The following ATF2 variants were observed in gnomAD, a reference collection of about 807,000 sequenced individuals.
The protein encoded by ATF2 is activating transcription factor 2.
ATF2 carries 24 observed loss-of-function variants against 60.6 expected under a neutral mutation model. The ratio of observed to expected loss-of-function variants is 0.40; its 90% CI spans 0.29 to 0.56. The LOEUF (loss-of-function observed/expected upper bound fraction) is 0.56, where lower values mean the gene tolerates loss of function less well. Among genes scored for constraint, ATF2 ranks in the 20% least tolerant of loss-of-function variants. The pLI, the probability that ATF2 is intolerant of heterozygous loss-of-function variation, is 0.54. For missense variants in ATF2, 433 were observed against 607.7 expected (o/e 0.71, Z 3.02); for synonymous variants, 206 against 215.4 (o/e 0.96, Z 0.38).
intron 3 of ATF2, among the ~76,000 whole-genome samples, chr2:175,132,234 T>C (rs1697785321): frequency 6.6e-6 from 1 of 152,218 alleles, no homozygotes. Flanking sequence ...CATATCTCAT[T>C]TTATTGTGCT....
chr2:175,105,529 T>A (rs1217081754), intron 10 of ATF2, among the ~76,000 whole-genome samples: 2 of 152,182 alleles, frequency 1.3e-5, no homozygotes, highest in Non-Finnish European at 2.9e-5. Context: ...CAAGAAATGT[T>A]TGCCATGTAA....
chr2:175,093,416 T>C lies in ATF2; in HGVS notation c.979-149A>G, dbSNP rs959413558. 9.1e-6 allele frequency: 7 copies of C among 770,302 alleles called. No homozygotes were observed. In the Admixed American group the frequency reaches 1.7e-4, roughly 19 times the overall value. The allele number at this position is 770,302 out of a possible 1,614,324, so 47.7% of individuals were successfully genotyped here. A position where few individuals can be genotyped will look rare whatever the true frequency, so the allele number is the denominator to read the frequency against. On this transcript the variant is annotated intron_variant, in intron 11 of 13. Coordinates refer to ENST00000264110, the MANE Select transcript of ATF2 (RefSeq NM_001880.4). ...TGTTGGGGCAATATGAAAATCACCC[T>C]GTGGTTTAACTTCCTTCTTGAATAT... is the stretch of plus-strand genomic sequence containing the variant.
chr2:175,082,269 A>G (rs1275706612), intron 12 of ATF2, among the ~76,000 whole-genome samples: 1 of 152,240 alleles, frequency 6.6e-6, no homozygotes, highest in African/African-American at 2.4e-5. Context: ...CGTTAATTAA[A>G]AGATTAAATG....
intron 1 of ATF2, among the ~76,000 whole-genome samples, chr2:175,164,786 G>C (rs1700244010): frequency 6.6e-6 from 1 of 152,190 alleles, no homozygotes; most frequent in Non-Finnish European, 1.5e-5. Context: ...TTGAGGAACA[G>C]GTGTGAGTAT....
At position 175,111,590 on chromosome 2, in the gene ATF2, G is replaced by A. The variant is rs780832335; in HGVS notation, c.806C>T (p.Pro269Leu). ...TACCATTTTTGCTTCTGACTGTACT[G>A]GTTGGGGAGAGGAAGGACCTGGGAT... ...PGIPGPSSPQ[P>L]VQSEAKMRLK... is the part of the protein sequence containing the mutation. Residue 269 changes from proline (P) to leucine (L), a missense_variant, in exon 10 of 14, where the codon CCA becomes CTA. Pro to Leu is a moderately conservative substitution (Grantham distance 98, BLOSUM62 -3). Transcript: ENST00000264110. 15 of 1,613,734 alleles carry A rather than the reference G, an allele frequency of 9.3e-6. No homozygotes were observed. The South Asian group carries it at 1.6e-4, about 18-fold the overall frequency.
rs377017833 is a variant in ATF2, at chr2:175,124,019, A to G, written c.103-2479T>C. Among the ~76,000 whole-genome samples, 6 of 152,182 alleles carry G rather than the reference A, an allele frequency of 3.9e-5. No individual in the cohort carries two copies. In the East Asian group the frequency reaches 1.2e-3, roughly 29 times the overall value. On this transcript the variant is annotated intron_variant, in intron 4 of 13. Coordinates refer to ENST00000264110, the MANE Select transcript of ATF2 (RefSeq NM_001880.4). ...TATGAAAGAAATGCATTCTTTATTT[A>G]TTTATAAAATAGCTGCAAGCTAAAT... is the stretch of plus-strand genomic sequence containing the variant.
At chr2:175,154,636 C>G (rs1699549481) in intron 1 of ATF2, among the ~76,000 whole-genome samples, 1 of 152,108 alleles carries the variant, frequency 6.6e-6, no homozygotes, top group Non-Finnish European at 1.5e-5. Context: ...TACTTTTATA[C>G]AACTGGTAGC....
intron 12 of ATF2, among the ~76,000 whole-genome samples, chr2:175,090,513 T>G (rs1253978898): frequency 6.6e-6 from 1 of 152,124 alleles, no homozygotes; most frequent in East Asian, 1.9e-4. Flanking sequence ...TTTTTCTTTT[T>G]TGGAGAAGTA....
chr2:175,079,099 C>A (rs1693575961), intron 13 of ATF2, among the ~76,000 whole-genome samples: 1 of 152,036 alleles, frequency 6.6e-6, no homozygotes, highest in African/African-American at 2.4e-5. Context: ...AGTATATAAA[C>A]CTACGCATCT....
At chr2:175,122,838 A>G (rs1159979541) in intron 4 of ATF2, among the ~76,000 whole-genome samples, 1 of 152,094 alleles carries the variant, frequency 6.6e-6, no homozygotes, top group Non-Finnish European at 1.5e-5. Flanking sequence ...ATGAATCTTA[A>G]AGATCAATCT....
In ATF2 at chr2:175,110,337, A is replaced by AAAAATAAATAAAT. The variant is rs140659380; in HGVS notation, c.828+1230_828+1231insATTTATTTATTTT. Among the ~76,000 whole-genome samples, 90 of 150,880 alleles carry AAAAATAAATAAAT rather than the reference A, an allele frequency of 6.0e-4. 1 individual carries two copies. In the South Asian group the frequency reaches 0.011, roughly 18 times the overall value. The stretch of plus-strand genomic sequence containing the variant: ...GTGAGAGAGCGAGACTCCATCTCAA[A>AAAAATAAATAAAT]AAATAAATAAATAAATAAATTCAGC... On this transcript the variant is annotated intron_variant, in intron 10 of 13. Transcript: ENST00000264110.
chr2:175,114,307 GAA>G (rs1182938632), intron 8 of ATF2, 199 bp from the exon 9 acceptor site: 5 of 1,307,562 alleles, frequency 3.8e-6, no homozygotes, highest in Non-Finnish European at 4.8e-6. Context: ...GAAAAGAAGA[GAA>G]AAGTTATGGA....
intron 13 of ATF2, among the ~76,000 whole-genome samples, chr2:175,075,896 T>G (rs1693257523): frequency 6.6e-6 from 1 of 152,224 alleles, no homozygotes; most frequent in African/African-American, 2.4e-5. Context: ...TCACACTGGA[T>G]GTATTCTTTT....
At chr2:175,118,872 GA>G (rs956155372) in intron 5 of ATF2, among the ~76,000 whole-genome samples, 5 of 149,950 alleles carry the variant, frequency 3.3e-5, no homozygotes, top group East Asian at 1.9e-4. Context: ...TTGTAAGAAA[GA>G]AAAAAAAAGT....
intron 4 of ATF2, among the ~76,000 whole-genome samples, chr2:175,126,310 C>T (rs1364719629): frequency 6.6e-6 from 1 of 152,142 alleles, no homozygotes; most frequent in Non-Finnish European, 1.5e-5. Flanking sequence ...CAGAGGTGCC[C>T]TAAAGCTTAG....
intron 10 of ATF2, among the ~76,000 whole-genome samples, chr2:175,107,533 C>T (rs1695755773): frequency 1.4e-5 from 2 of 142,260 alleles, no homozygotes; most frequent in Non-Finnish European, 3.0e-5. Flanking sequence ...CTCCCTCTCC[C>T]TCTCCCTCTC....
At chr2:175,124,716 A>C (rs777807826) in intron 4 of ATF2, among the ~76,000 whole-genome samples, 9 of 151,998 alleles carry the variant, frequency 5.9e-5, no homozygotes, top group Middle Eastern at 3.4e-3. Context: ...TTGTCACTTT[A>C]GACTAAATAT....
At position 175,074,645 on chromosome 2, in the gene ATF2, C is replaced by G; in HGVS notation, c.1482G>C (p.Met494Ile). Residue 494 changes from methionine to isoleucine, a missense_variant, in exon 14 of 14, where the codon ATG (methionine) becomes ATC (isoleucine). By Grantham distance (10) the Met-to-Ile change is conservative. This residue lies in a region of ATF2 where 114 missense variants were observed against 104.0 expected (regional missense o/e 1.10). Coordinates refer to ENST00000264110, the MANE Select transcript of ATF2 (RefSeq NM_001880.4). ...STEPALSQIVMAPSSQSQPSG... is the reference protein window; with the variant it reads ...STEPALSQIVIAPSSQSQPSG... ...AGGGCTGTGACTGGGAGGAAGGAGC[C>G]ATAACGATCTGTGAAAGAGCAGGCT... 1 of 1,613,118 alleles carries G rather than the reference C, an allele frequency of 6.2e-7. No homozygotes were observed. Among genetic ancestry groups the G allele is most frequent in the Non-Finnish European group, 8.5e-7 (1 of 1,179,554 alleles).
At chr2:175,130,748 TC>T (rs1444554493) in intron 3 of ATF2, among the ~76,000 whole-genome samples, 1 of 152,056 alleles carries the variant, frequency 6.6e-6, no homozygotes, top group Non-Finnish European at 1.5e-5. Context: ...TCAGAGAAAT[TC>T]AAAAATAAAA....
Sources: allele counts gnomAD v4.1 joint callset (sites outside exome capture counted in the v4.1 genomes callset), GRCh38; gene constraint gnomAD v4.1.1; regional missense constraint gnomAD v4.1.1; transcripts MANE v1.5; gene names NCBI Gene and HGNC (gene_info 2026-07-23, HGNC 2026-07-21).